The following EML6 variants were observed in gnomAD, a reference collection of about 807,000 sequenced individuals.
The protein encoded by EML6 is echinoderm microtubule-associated protein-like 6.
In EML6, 154 loss-of-function variants were observed where a neutral mutation model predicts 240.1. That is an observed-to-expected ratio of 0.64 (90% CI 0.56 to 0.73). EML6 has a LOEUF of 0.73. Among genes scored for constraint, EML6 ranks in the 30% least tolerant of loss-of-function variants. The pLI, the probability that EML6 is intolerant of heterozygous loss-of-function variation, is 0.00. For missense variants in EML6, 2,964 were observed against 2,474.6 expected (o/e 1.20, Z -4.20); for synonymous variants, 1,148 against 899.0 (o/e 1.28, Z -4.95).
At chr2:54,946,029 C>G (rs1675679661) in intron 28 of EML6, among the ~76,000 whole-genome samples, 1 of 152,226 alleles carries the variant, frequency 6.6e-6, no homozygotes, top group East Asian at 1.9e-4. Flanking sequence ...CACAGCCTCT[C>G]CCTGGGCTTC....
At chr2:54,748,984 C>T (rs1012091077) in intron 2 of EML6, among the ~76,000 whole-genome samples, 1 of 152,210 alleles carries the variant, frequency 6.6e-6, no homozygotes, top group Non-Finnish European at 1.5e-5. Context: ...CTTATGTATA[C>T]TTTCTAGAGT....
chr2:54,954,102 G>C lies in EML6; in HGVS notation c.4432G>C (p.Val1478Leu). 6.4e-7 allele frequency: 1 copy of C among 1,551,762 alleles called. No homozygotes were observed. The highest frequency in any genetic ancestry group is 8.7e-7 in the Non-Finnish European group (1 of 1,147,010). Residue 1478 changes from valine (V) to leucine (L), a missense_variant, in exon 32 of 42, where the codon GTG becomes CTG. Val to Leu is a conservative substitution (Grantham distance 32). Coordinates refer to ENST00000356458, the MANE Select transcript of EML6 (RefSeq NM_001039753.4). ...CTTCAGTGCAACTGGAAAGCTCCTGGTGTCGGTGGGAGTGGACCCTGAGCA... is the reference window on the plus strand; with the variant it reads ...CTTCAGTGCAACTGGAAAGCTCCTGCTGTCGGTGGGAGTGGACCCTGAGCA... Reference protein sequence around the residue: ...INFSATGKLLVSVGVDPEHTI... With the variant: ...INFSATGKLLLSVGVDPEHTI...
chr2:54,922,933 CTTTTTTTTTTTTTT>C (rs36078208), intron 26 of EML6, among the ~76,000 whole-genome samples: 1 of 73,852 alleles, frequency 1.4e-5, no homozygotes, highest in African/African-American at 5.9e-5. Flanking sequence ...AGGGTATAAA[CTTTTTTTTTTTTTT>C]TTTTTTTTTT....
intron 11 of EML6, among the ~76,000 whole-genome samples, chr2:54,856,421 C>T (rs1201060040): frequency 1.3e-5 from 2 of 152,214 alleles, no homozygotes; most frequent in African/African-American, 4.8e-5. Context: ...TACACCTCAG[C>T]AACCCACAAA....
chr2:54,899,659 G>A lies in EML6; in HGVS notation c.3001G>A (p.Val1001Met). ...LLVQGHMEGE[V>M]WGLAAHPLLP... ...CCCACAGGGGCACATGGAAGGAGAAGTGTGGGGGTTGGCAGCTCACCCTCT... is the reference window on the plus strand; with the variant it reads ...CCCACAGGGGCACATGGAAGGAGAAATGTGGGGGTTGGCAGCTCACCCTCT... The change falls in exon 22 of 42, where the codon GTG becomes ATG. Residue 1001 changes from valine to methionine, a missense_variant. Coordinates refer to ENST00000356458, the MANE Select transcript of EML6 (RefSeq NM_001039753.4). 1 of 1,553,850 alleles carries A rather than the reference G, an allele frequency of 6.4e-7. No homozygotes were observed. The highest frequency in any genetic ancestry group is 8.7e-7 in the Non-Finnish European group (1 of 1,148,138).
intron 34 of EML6, 62 bp from the exon 35 acceptor site, chr2:54,960,158 G>A (rs35279349): frequency 0.2 from 235,301 of 1,204,604 alleles, 26,542 homozygotes; most frequent in African/African-American, 0.39. Context: ...GGAGAGGGCC[G>A]GAGGGGGTAG....
chr2:54,879,822 C>T (rs1221634995), intron 17 of EML6, 182 bp downstream of exon 17: 2 of 583,326 alleles, frequency 3.4e-6, no homozygotes, highest in Admixed American at 3.1e-5. Context: ...TAGAGCAGGT[C>T]ATGTTTGTTG....
intron 10 of EML6, among the ~76,000 whole-genome samples, chr2:54,850,931 C>T (rs894396613): frequency 1.3e-5 from 2 of 152,138 alleles, no homozygotes; most frequent in Non-Finnish European, 2.9e-5. Context: ...GCTGAGCAAA[C>T]AAAAGAAAGT....
intron 2 of EML6, among the ~76,000 whole-genome samples, chr2:54,733,505 G>A (rs1385273414): frequency 1.3e-5 from 2 of 152,172 alleles, no homozygotes; most frequent in Admixed American, 6.5e-5. Flanking sequence ...GCACTGCACA[G>A]TATCACGCAG....
intron 17 of EML6, among the ~76,000 whole-genome samples, chr2:54,888,793 A>G (rs182477172): frequency 1.3e-5 from 2 of 152,326 alleles, no homozygotes; most frequent in African/African-American, 4.8e-5. Flanking sequence ...TTGCTGCCAC[A>G]TTTTGACAAT....
At chr2:54,871,472 G>T in intron 15 of EML6, 28 bp from the exon 16 acceptor site, 1 of 1,454,080 alleles carries the variant, frequency 6.9e-7, no homozygotes, top group South Asian at 1.2e-5. Context: ...CGTGTTAGTA[G>T]TTAATAACAG....
At chr2:54,794,334 C>G (rs1251857329) in intron 2 of EML6, among the ~76,000 whole-genome samples, 1 of 152,198 alleles carries the variant, frequency 6.6e-6, no homozygotes, top group Non-Finnish European at 1.5e-5. Flanking sequence ...TCATGGATTT[C>G]TATCGCCCTT....
chr2:54,930,707 A>C (rs1396701671), intron 28 of EML6, among the ~76,000 whole-genome samples: 2 of 152,150 alleles, frequency 1.3e-5, no homozygotes, highest in African/African-American at 4.8e-5. Flanking sequence ...GTAACTTTAA[A>C]AGCCTTGACA....
At position 54,970,061 on chromosome 2, in the gene EML6, G is replaced by A; in HGVS notation, c.5853-10G>A. 1 of 1,551,626 alleles carries A rather than the reference G, an allele frequency of 6.4e-7. No individual in the cohort carries two copies. Among genetic ancestry groups the A allele is most frequent in the Non-Finnish European group, 8.7e-7 (1 of 1,146,924 alleles). Reference sequence around the variant, plus strand: ...GCTATGCAAAATGACTGTTTGATCTGCCTTTTCAGTGTATTTGTGTGGCGA... The same window carrying A: ...GCTATGCAAAATGACTGTTTGATCTACCTTTTCAGTGTATTTGTGTGGCGA... On this transcript the variant is annotated splice_polypyrimidine_tract_variant and intron_variant, in intron 41 of 41. Coordinates refer to ENST00000356458, the MANE Select transcript of EML6 (RefSeq NM_001039753.4).
intron 2 of EML6, among the ~76,000 whole-genome samples, chr2:54,810,262 T>A (rs1667765332): frequency 6.6e-6 from 1 of 152,210 alleles, no homozygotes; most frequent in Non-Finnish European, 1.5e-5. Flanking sequence ...TTTATGGGCT[T>A]CAATATGAAT....
At chr2:54,779,849 C>T (rs1668769143) in intron 2 of EML6, among the ~76,000 whole-genome samples, 1 of 120,984 alleles carries the variant, frequency 8.3e-6, no homozygotes, top group South Asian at 2.8e-4. Context: ...GTGACAGACC[C>T]AGTCTCAAAA....
At position 54,866,795 on chromosome 2, in the gene EML6, G is replaced by C. The variant is rs1430571293; in HGVS notation, c.1962G>C (p.Lys654Asn). 6.4e-7 allele frequency: 1 copy of C among 1,550,824 alleles called. No individual in the cohort carries two copies. The highest frequency in any genetic ancestry group is 1.4e-5 in the African/African-American group (1 of 73,002). ...QVYKEDLPQL[K>N]QQSKEKNHAV... is the part of the protein sequence containing the mutation. ...ACAAAGAAGATCTACCTCAGCTAAA[G>C]CAACAAAGTAAAGAGAAAAACCACG... The change falls in exon 14 of 42, where the codon AAG becomes AAC. Residue 654 changes from lysine (K) to asparagine (N), a missense_variant. Lys to Asn is a moderately conservative substitution (Grantham distance 94, BLOSUM62 0). Transcript: ENST00000356458.
intron 21 of EML6, among the ~76,000 whole-genome samples, chr2:54,898,573 G>A (rs900779443): frequency 6.6e-6 from 1 of 152,174 alleles, no homozygotes. Context: ...TTGAATGTCA[G>A]TTGTATTTGG....
intron 21 of EML6, among the ~76,000 whole-genome samples, chr2:54,898,270 A>G (rs1672874520): frequency 6.6e-6 from 1 of 152,158 alleles, no homozygotes. Flanking sequence ...TAAAATAAAC[A>G]GATTAAGGAA....
Sources: allele counts gnomAD v4.1 joint callset (sites outside exome capture counted in the v4.1 genomes callset), GRCh38; gene constraint gnomAD v4.1.1; transcripts MANE v1.5; gene names NCBI Gene and HGNC (gene_info 2026-07-23, HGNC 2026-07-21).